Variants in EYS observed in about 807,000 individuals in gnomAD.
The protein encoded by EYS is EGF-like photoreceptor maintenance factor, also known as protein eyes shut homolog.
Under a neutral mutation model 282.1 loss-of-function variants are expected in EYS, and 250 were observed. That is an observed-to-expected ratio of 0.89 (90% CI 0.80 to 0.98). EYS has a LOEUF of 0.98. Ranked by LOEUF, EYS falls within the 50% of genes least tolerant of loss-of-function variation. The probability of loss-of-function intolerance (pLI) is 0.00; values close to 1 mark genes in which losing one functional copy is unlikely to be tolerated. For missense variants in EYS, 4,016 were observed against 3,709.0 expected, an observed-to-expected ratio of 1.08 and a Z score of -2.15; for synonymous variants, 1,355 against 1,282.9, an observed-to-expected ratio of 1.06 and a Z score of -1.20.
intron 22 of EYS, among the ~76,000 whole-genome samples, chr6:64,641,948 T>C (rs779651979): frequency 6.6e-6 from 1 of 152,114 alleles, no homozygotes; most frequent in Non-Finnish European, 1.5e-5. Flanking sequence ...GTGAAAAAAT[T>C]TTCTTCCAAA....
intron 26 of EYS, among the ~76,000 whole-genome samples, chr6:64,544,671 A>G (rs1327424360): frequency 6.6e-6 from 1 of 152,192 alleles, no homozygotes; most frequent in Non-Finnish European, 1.5e-5. Context: ...AGACACAATA[A>G]AAAATGATAA....
intron 9 of EYS, among the ~76,000 whole-genome samples, chr6:65,344,692 A>G (rs1166756570): frequency 6.6e-6 from 1 of 151,648 alleles, no homozygotes; most frequent in Non-Finnish European, 1.5e-5. Context: ...AGATGAATAA[A>G]ATAGATAATT....
chr6:65,228,130 T>C lies in EYS; in HGVS notation c.2023+67733A>G, dbSNP rs529465484. Among the ~76,000 whole-genome samples the C allele has an allele frequency of 2.9e-4, 44 of 152,222 alleles. No individual in the cohort carries two copies. The South Asian group carries it at 7.9e-3, about 27-fold the overall frequency. On this transcript the variant is annotated intron_variant, in intron 12 of 42. Coordinates refer to ENST00000503581, the MANE Select transcript of EYS (RefSeq NM_001142800.2). ...AATAGATGCATCCATAAAAAGTCTA[T>C]AGCTAGCGCAGTCTATGTGGAAACA...
At chr6:64,501,823 T>C (rs1317527703) in intron 26 of EYS, among the ~76,000 whole-genome samples, 2 of 152,094 alleles carry the variant, frequency 1.3e-5, no homozygotes, top group African/African-American at 4.8e-5. Flanking sequence ...CTGGCATAAA[T>C]GGATAAGAAA....
At chr6:65,459,537 A>AT in intron 5 of EYS, among the ~76,000 whole-genome samples, 1 of 152,042 alleles carries the variant, frequency 6.6e-6, no homozygotes, top group Non-Finnish European at 1.5e-5. Context: ...AGTATATGAT[A>AT]TTTTAAATCT....
At chr6:63,985,894 G>T (rs1246572761) in intron 34 of EYS, among the ~76,000 whole-genome samples, 1 of 151,830 alleles carries the variant, frequency 6.6e-6, no homozygotes, top group Non-Finnish European at 1.5e-5. Context: ...GACACCAAAA[G>T]TAATTGCAAC....
At chr6:65,595,746 C>A (rs1236773383) in intron 2 of EYS, among the ~76,000 whole-genome samples, 2 of 151,972 alleles carry the variant, frequency 1.3e-5, no homozygotes, top group Non-Finnish European at 2.9e-5. Flanking sequence ...TGTCTTTTCA[C>A]CAAATACAGA....
chr6:63,867,555 C>A (rs1299769597), intron 35 of EYS, among the ~76,000 whole-genome samples: 3 of 152,190 alleles, frequency 2.0e-5, no homozygotes, highest in Middle Eastern at 3.4e-3. Flanking sequence ...ATCCATGTGC[C>A]AAGTGGTGAA....
intron 22 of EYS, among the ~76,000 whole-genome samples, chr6:64,738,751 A>G (rs9345445): frequency 0.68 from 102,982 of 152,034 alleles, 37,181 homozygotes; most frequent in Non-Finnish European, 0.8. Context: ...AAGGAAAAAG[A>G]CTCAAATTTT....
At chr6:63,788,681 C>A (rs1333640273) in intron 38 of EYS, among the ~76,000 whole-genome samples, 1 of 152,100 alleles carries the variant, frequency 6.6e-6, no homozygotes, top group Admixed American at 6.5e-5. Context: ...ATAATATAGA[C>A]CTTATCTGTC....
intron 28 of EYS, among the ~76,000 whole-genome samples, chr6:64,390,780 C>T (rs1225375506): frequency 3.3e-5 from 5 of 149,300 alleles, no homozygotes; most frequent in Non-Finnish European, 4.4e-5. Context: ...TGGAGAATGA[C>T]TTTGACGAGC....
At chr6:64,696,221 A>G (rs183636377) in intron 22 of EYS, among the ~76,000 whole-genome samples, 1 of 152,216 alleles carries the variant, frequency 6.6e-6, no homozygotes, top group African/African-American at 2.4e-5. Context: ...ATTACAAAAT[A>G]CATTTGAAAG....
Position 65,503,361 on chromosome 6 carries a change from A to G in EYS, c.-332-7368T>C, listed in dbSNP as rs554757300. On this transcript the variant is annotated intron_variant, in intron 2 of 42. Coordinates refer to ENST00000503581, the MANE Select transcript of EYS (RefSeq NM_001142800.2). Reference sequence around the variant, plus strand: ...TAAGAATCCTTTTACATTTGGATAAAAATCCTTTATCAGATATGTGTTTTG... The same window carrying G: ...TAAGAATCCTTTTACATTTGGATAAGAATCCTTTATCAGATATGTGTTTTG... Among the ~76,000 whole-genome samples, 10 of 151,798 alleles carry G rather than the reference A, an allele frequency of 6.6e-5. No individual in the cohort carries two copies. In the South Asian group the frequency reaches 1.9e-3, roughly 28 times the overall value.
chr6:65,449,317 A>C (rs904413860), intron 5 of EYS, among the ~76,000 whole-genome samples: 1 of 152,104 alleles, frequency 6.6e-6, no homozygotes, highest in East Asian at 1.9e-4. Flanking sequence ...CCTTATTGGG[A>C]TGCATATAAG....
At chr6:65,018,303 G>A (rs932447510) in intron 13 of EYS, among the ~76,000 whole-genome samples, 3 of 151,322 alleles carry the variant, frequency 2.0e-5, no homozygotes. Context: ...CTGTAAGAGA[G>A]AATGTGTTCC....
intron 35 of EYS, among the ~76,000 whole-genome samples, chr6:63,962,604 G>A (rs1766121029): frequency 6.6e-6 from 1 of 152,138 alleles, no homozygotes; most frequent in Non-Finnish European, 1.5e-5. Flanking sequence ...AAAAAGTCAG[G>A]AAACAACAGG....
intron 7 of EYS, among the ~76,000 whole-genome samples, chr6:65,388,492 G>C (rs1765882672): frequency 6.6e-6 from 1 of 151,970 alleles, no homozygotes; most frequent in Non-Finnish European, 1.5e-5. Flanking sequence ...ATATTTGAGT[G>C]AATGGCTGAA....
At chr6:64,683,752 G>T (rs1305073053) in intron 22 of EYS, among the ~76,000 whole-genome samples, 1 of 152,158 alleles carries the variant, frequency 6.6e-6, no homozygotes, top group Non-Finnish European at 1.5e-5. Context: ...AGGCATGTTA[G>T]CTCAAGTTGC....
At chr6:65,286,467 A>G (rs1489334213) in intron 12 of EYS, among the ~76,000 whole-genome samples, 2 of 151,772 alleles carry the variant, frequency 1.3e-5, no homozygotes, top group Admixed American at 1.3e-4. Flanking sequence ...TTAAATTTTT[A>G]AAAATACATT....
Sources: allele counts gnomAD v4.1 joint callset (sites outside exome capture counted in the v4.1 genomes callset), GRCh38; gene constraint gnomAD v4.1.1; transcripts MANE v1.5; gene names NCBI Gene and HGNC (gene_info 2026-07-23, HGNC 2026-07-21).